The following KLF8 variants were observed in gnomAD, a reference collection of about 807,000 sequenced individuals.
KLF8 encodes the protein Krueppel-like factor 8.
Under a neutral mutation model 18.2 loss-of-function variants are expected in KLF8, and 10 were observed. The observed-to-expected ratio is 0.55, with a 90% confidence interval of 0.34 to 0.93. KLF8 has a LOEUF of 0.93. Ranked by LOEUF, KLF8 falls within the 40% of genes least tolerant of loss-of-function variation. KLF8 has a pLI of 0.02. For synonymous variants in KLF8, 109 were observed against 97.3 expected (o/e 1.12, Z -0.71); for missense variants, 264 against 277.9 (o/e 0.95, Z 0.36).
At chrX:56,049,661 C>A in the KLF8 span, among the ~76,000 whole-genome samples, 1 of 102,658 alleles carries the variant, frequency 9.7e-6, no homozygotes, top group Non-Finnish European at 2.0e-5. Context: ...CTGCTGGATT[C>A]GGTTTGCCAG....
the KLF8 span, among the ~76,000 whole-genome samples, chrX:56,079,576 T>C: frequency 9.0e-6 from 1 of 111,723 alleles, no homozygotes; most frequent in African/African-American, 3.3e-5. Context: ...GTGGTCAATT[T>C]TGGAATAGGT....
the KLF8 span, among the ~76,000 whole-genome samples, chrX:56,133,740 T>C: frequency 9.0e-6 from 1 of 111,518 alleles, no homozygotes; most frequent in Non-Finnish European, 1.9e-5. Context: ...TGTTTTCTGA[T>C]GATATGATTG....
the KLF8 span, among the ~76,000 whole-genome samples, chrX:56,206,181 C>T: frequency 6.3e-5 from 7 of 111,306 alleles, no homozygotes; most frequent in East Asian, 8.5e-4. Flanking sequence ...TATTACAATT[C>T]GAGGTGAGAT....
intron 1 of KLF8, among the ~76,000 whole-genome samples, chrX:56,240,654 A>T (rs2066531867): frequency 9.0e-6 from 1 of 111,474 alleles, no homozygotes; most frequent in Non-Finnish European, 1.9e-5. Flanking sequence ...TGCTGCAAAG[A>T]TATAAAAACA....
the KLF8 span, among the ~76,000 whole-genome samples, chrX:56,084,373 C>T: frequency 9.1e-6 from 1 of 110,338 alleles, no homozygotes; most frequent in Non-Finnish European, 1.9e-5. Flanking sequence ...ATAGTGAGAC[C>T]CTGAAAACAA....
the KLF8 span, among the ~76,000 whole-genome samples, chrX:56,155,785 A>G: frequency 9.0e-6 from 1 of 111,228 alleles, no homozygotes; most frequent in South Asian, 3.8e-4. Flanking sequence ...AGTCACTGAT[A>G]GGTAGTTTTT....
chrX:56,185,468 G>C, the KLF8 span, among the ~76,000 whole-genome samples: 1 of 111,868 alleles, frequency 8.9e-6, no homozygotes, highest in African/African-American at 3.2e-5. Flanking sequence ...TTATCCAGGA[G>C]AACTTCCCCA....
At chrX:56,104,775 CT>C in the KLF8 span, among the ~76,000 whole-genome samples, 1 of 111,052 alleles carries the variant, frequency 9.0e-6, no homozygotes, top group African/African-American at 3.3e-5. Context: ...TGTGTTTACT[CT>C]TGCTTCTCTA....
chrX:56,169,131 T>A, the KLF8 span, among the ~76,000 whole-genome samples: 1 of 111,098 alleles, frequency 9.0e-6, no homozygotes, highest in Non-Finnish European at 1.9e-5. Context: ...AATGACCTGG[T>A]CCTGGCAGGA....
the KLF8 span, among the ~76,000 whole-genome samples, chrX:56,024,575 G>A: frequency 8.1e-5 from 9 of 111,479 alleles, no homozygotes; most frequent in East Asian, 2.8e-4. Flanking sequence ...ATCCCTGAGT[G>A]CACAATTTCT....
At chrX:55,988,731 C>G in the KLF8 span, among the ~76,000 whole-genome samples, 1 of 111,464 alleles carries the variant, frequency 9.0e-6, no homozygotes, top group Non-Finnish European at 1.9e-5. Context: ...TTTTCCAATT[C>G]TGTGAAGAAA....
the KLF8 span, among the ~76,000 whole-genome samples, chrX:56,190,843 A>G: frequency 1.8e-5 from 2 of 111,687 alleles, no homozygotes; most frequent in Non-Finnish European, 3.8e-5. Flanking sequence ...GTTGATTGAT[A>G]TAAATACCTA....
At chrX:56,023,707 T>C in the KLF8 span, among the ~76,000 whole-genome samples, 3 of 111,526 alleles carry the variant, frequency 2.7e-5, no homozygotes, top group Non-Finnish European at 3.8e-5. Context: ...TTTAGAGTTC[T>C]AAAAATGTTG....
chrX:55,938,794 G>A, the KLF8 span, among the ~76,000 whole-genome samples: 1 of 111,596 alleles, frequency 9.0e-6, no homozygotes, highest in East Asian at 2.8e-4. Context: ...TTACATAATG[G>A]TAAAGGGATC....
the KLF8 span, among the ~76,000 whole-genome samples, chrX:56,049,521 T>C: frequency 9.2e-6 from 1 of 108,594 alleles, no homozygotes; most frequent in Non-Finnish European, 1.9e-5. Context: ...TCTATGGAGA[T>C]AATCATGTGG....
At position 56,287,812 on chromosome X, in the gene KLF8, C is replaced by CTGTT. The variant is rs374339518; in HGVS notation, c.*3319_*3322dup. 3 of 112,152 alleles carry CTGTT rather than the reference C, an allele frequency of 2.7e-5. No homozygotes were observed. The highest frequency in any genetic ancestry group is 9.7e-5 in the African/African-American group (3 of 30,919). The allele number at this position is 112,152 out of a possible 1,213,427, so 9.2% of individuals were successfully genotyped here. A position where few individuals can be genotyped will look rare whatever the true frequency, so the allele number is the denominator to read the frequency against. ...TCATTTACCCCACACCCAGTTTCTC[C>CTGTT]TGTTATTAGCATCTCACATTAATAT... On this transcript the variant is annotated 3_prime_UTR_variant, in exon 6 of 6. Transcript: ENST00000468660.
chrX:56,024,078 C>T, the KLF8 span, among the ~76,000 whole-genome samples: 1 of 111,992 alleles, frequency 8.9e-6, no homozygotes, highest in African/African-American at 3.2e-5. Context: ...TAACAAATTA[C>T]ATGCCCACCA....
chrX:56,084,174 A>T, the KLF8 span, among the ~76,000 whole-genome samples: 30 of 111,365 alleles, frequency 2.7e-4, no homozygotes, highest in South Asian at 7.6e-4. Context: ...TGAGCCTAGG[A>T]GTTTGAGTCA....
chrX:56,218,615 CAT>C, the KLF8 span, among the ~76,000 whole-genome samples: 3 of 112,156 alleles, frequency 2.7e-5, no homozygotes, highest in African/African-American at 6.5e-5. Context: ...TAACCTAACA[CAT>C]GTTTACTGAT....
Sources: allele counts gnomAD v4.1 joint callset (sites outside exome capture counted in the v4.1 genomes callset), GRCh38; gene constraint gnomAD v4.1.1; transcripts MANE v1.5; gene names NCBI Gene and HGNC (gene_info 2026-07-23, HGNC 2026-07-21).